PIWIL2: variants seen among roughly 807,000 people sequenced by gnomAD.
The protein encoded by PIWIL2 is piwi-like protein 2.
Under a neutral mutation model 116.5 loss-of-function variants are expected in PIWIL2, and 81 were observed. The ratio of observed to expected loss-of-function variants is 0.70; its 90% CI spans 0.58 to 0.84. The LOEUF (loss-of-function observed/expected upper bound fraction) is 0.84. PIWIL2 is among the 40% of genes least tolerant of loss of function. The probability of loss-of-function intolerance (pLI) is 0.00; values close to 1 mark genes in which losing one functional copy is unlikely to be tolerated. For missense variants in PIWIL2, 1,272 were observed against 1,212.3 expected (o/e 1.05, Z -0.73); for synonymous variants, 489 against 429.5 (o/e 1.14, Z -1.71).
chr8:22,315,280 C>G lies in PIWIL2; in HGVS notation c.2208+135C>G, dbSNP rs1586571126. ...CTAAATGGCTCCCTGCCTCTTCAGC[C>G]CATTATCTAAGAATGGGTTTTATGT... On this transcript the variant is annotated intron_variant, in intron 18 of 22. Coordinates refer to ENST00000356766, the MANE Select transcript of PIWIL2 (RefSeq NM_018068.5). The G allele has an allele frequency of 1.3e-5, 8 of 597,958 alleles. No homozygotes were observed. The East Asian group carries it at 1.9e-4, about 14-fold the overall frequency. 37.0% of individuals were successfully genotyped at this position (597,958 alleles called of 1,614,324 possible). A position where few individuals can be genotyped will look rare whatever the true frequency, so the allele number is the denominator to read the frequency against.
At position 22,302,383 on chromosome 8, in the gene PIWIL2, G is replaced by A. The variant is rs551794044; in HGVS notation, c.1182-1638G>A. On this transcript the variant is annotated intron_variant, in intron 10 of 22. Transcript: ENST00000356766. ...TTTTAGTAGAAATGGGTTTCATCATGTTGGCCAGGATGGTCTCGATCTCTT... is the reference window on the plus strand; with the variant it reads ...TTTTAGTAGAAATGGGTTTCATCATATTGGCCAGGATGGTCTCGATCTCTT... 8.5e-5 allele frequency among the ~76,000 whole-genome samples: 13 copies of A among 152,154 alleles called. No individual in the cohort carries two copies. The East Asian group carries it at 2.3e-3, about 27-fold the overall frequency.
At chr8:22,343,469 A>C (rs1238724147) in intron 20 of PIWIL2, among the ~76,000 whole-genome samples, 1 of 152,062 alleles carries the variant, frequency 6.6e-6, no homozygotes, top group African/African-American at 2.4e-5. Context: ...ATGGTGGCGC[A>C]TGCCTGTAAT....
intron 20 of PIWIL2, among the ~76,000 whole-genome samples, chr8:22,343,605 G>A (rs538816024): frequency 1.3e-5 from 2 of 152,270 alleles, no homozygotes; most frequent in East Asian, 3.9e-4. Flanking sequence ...CTCAAAAATA[G>A]GTAGATAGAT....
At chr8:22,296,615 G>A (rs1218944514) in intron 10 of PIWIL2, among the ~76,000 whole-genome samples, 6 of 152,130 alleles carry the variant, frequency 3.9e-5, no homozygotes, top group Admixed American at 1.3e-4. Context: ...CTACTCCATC[G>A]TCCTTGCTTT....
chr8:22,291,919 G>C (rs1830776724), intron 10 of PIWIL2, among the ~76,000 whole-genome samples: 2 of 152,092 alleles, frequency 1.3e-5, no homozygotes, highest in African/African-American at 4.8e-5. Context: ...AAAAGAAAAA[G>C]AGCACACGGT....
intron 16 of PIWIL2, among the ~76,000 whole-genome samples, chr8:22,311,839 A>T (rs527756549): frequency 6.6e-6 from 1 of 152,350 alleles, no homozygotes; most frequent in East Asian, 1.9e-4. Context: ...GGAGAGAAAA[A>T]AGCAAGGGGA....
chr8:22,323,143 CT>C lies in PIWIL2; in HGVS notation c.2403+4890del, dbSNP rs138180864. On this transcript the variant is annotated intron_variant, in intron 20 of 22. Coordinates refer to ENST00000356766, the MANE Select transcript of PIWIL2 (RefSeq NM_018068.5). ...GGGCTAGGGCTAGGATAGTCTTGAT[CT>C]TTTTTTTTTTTTTTTTTTTTTGAGA... is the stretch of plus-strand genomic sequence containing the variant. 1.8e-3 allele frequency among the ~76,000 whole-genome samples: 138 copies of C among 78,010 alleles called. 1 individual carries two copies. The highest frequency in any genetic ancestry group is 3.9e-3 in the Admixed American group (20 of 5,106). The allele number at this position is 78,010 out of a possible 152,430, so 51.2% of individuals were successfully genotyped here.
At chr8:22,276,613 C>T (rs544860796) in intron 1 of PIWIL2, among the ~76,000 whole-genome samples, 2 of 152,272 alleles carry the variant, frequency 1.3e-5, no homozygotes, top group South Asian at 4.1e-4. Context: ...CACCCCCGGC[C>T]AAGACAGCTT....
chr8:22,305,470 G>C (rs1194720584), intron 12 of PIWIL2, among the ~76,000 whole-genome samples: 3 of 152,154 alleles, frequency 2.0e-5, no homozygotes, highest in African/African-American at 7.2e-5. Context: ...GGGATTACAG[G>C]CGTGAGCCAC....
At chr8:22,283,300 C>T in intron 5 of PIWIL2, 60 bp downstream of exon 5, 1 of 1,336,428 alleles carries the variant, frequency 7.5e-7, no homozygotes, top group Non-Finnish European at 1.1e-6. Context: ...TGCATTTTGG[C>T]TCGTGTGTAG....
At chr8:22,313,732 T>G (rs1203272195) in intron 16 of PIWIL2, among the ~76,000 whole-genome samples, 1 of 152,224 alleles carries the variant, frequency 6.6e-6, no homozygotes, top group Non-Finnish European at 1.5e-5. Context: ...GTCCTCTTTT[T>G]TCAATATTGG....
At chr8:22,330,743 A>AATAT (rs1192348377) in intron 20 of PIWIL2, among the ~76,000 whole-genome samples, 1 of 148,356 alleles carries the variant, frequency 6.7e-6, no homozygotes, top group Non-Finnish European at 1.5e-5. Context: ...TAAATAAATA[A>AATAT]AAATAGTTGA....
intron 6 of PIWIL2, among the ~76,000 whole-genome samples, chr8:22,286,236 G>A (rs1049526212): frequency 6.6e-6 from 1 of 152,184 alleles, no homozygotes; most frequent in Admixed American, 6.5e-5. Flanking sequence ...AGAAAAAAAA[G>A]GAAAGATGAA....
At chr8:22,280,089 TA>T (rs1252012158) in intron 2 of PIWIL2, among the ~76,000 whole-genome samples, 1 of 152,202 alleles carries the variant, frequency 6.6e-6, no homozygotes. Context: ...TATGAAGAAG[TA>T]CCTCATAATG....
intron 19 of PIWIL2, among the ~76,000 whole-genome samples, chr8:22,316,801 CT>C (rs751733725): frequency 1.6e-3 from 228 of 144,694 alleles, no homozygotes; most frequent in Middle Eastern, 3.7e-3. Flanking sequence ...GTTTATGCAA[CT>C]TTTTTTTTTT....
At chr8:22,302,733 G>A (rs569948348) in intron 10 of PIWIL2, among the ~76,000 whole-genome samples, 1 of 151,974 alleles carries the variant, frequency 6.6e-6, no homozygotes, top group Non-Finnish European at 1.5e-5. Flanking sequence ...GTAGATTGAA[G>A]AATGCTTTCA....
chr8:22,289,979 T>A, intron 9 of PIWIL2, 52 bp downstream of exon 9: 1 of 1,193,302 alleles, frequency 8.4e-7, no homozygotes. Context: ...AAAGAAAGTT[T>A]CCATTACAAC....
chr8:22,328,869 T>C lies in PIWIL2; in HGVS notation c.2403+10594T>C, dbSNP rs559759849. On this transcript the variant is annotated intron_variant, in intron 20 of 22. Coordinates refer to ENST00000356766, the MANE Select transcript of PIWIL2 (RefSeq NM_018068.5). ...TTGGGATTTTCTAGATACAGAATAA[T>C]GTCATTTGCTTATGGGAATGGAGTC... Among the ~76,000 whole-genome samples the C allele has an allele frequency of 6.4e-5, 9 of 141,082 alleles. No individual in the cohort carries two copies. In the South Asian group the frequency reaches 2.3e-3, roughly 36 times the overall value. 92.6% of individuals were successfully genotyped at this position (141,082 alleles called of 152,430 possible).
At chr8:22,317,413 T>C (rs1831487143) in intron 19 of PIWIL2, among the ~76,000 whole-genome samples, 1 of 152,286 alleles carries the variant, frequency 6.6e-6, no homozygotes, top group East Asian at 1.9e-4. Flanking sequence ...CACATATATA[T>C]ATTTGTACAA....
Sources: allele counts gnomAD v4.1 joint callset (sites outside exome capture counted in the v4.1 genomes callset), GRCh38; gene constraint gnomAD v4.1.1; transcripts MANE v1.5; gene names NCBI Gene and HGNC (gene_info 2026-07-23, HGNC 2026-07-21).